EI24: variants seen among roughly 807,000 people sequenced by gnomAD.
EI24 encodes etoposide-induced protein 2.4 homolog.
In EI24, 21 loss-of-function variants were observed where a neutral mutation model predicts 48.6. The observed-to-expected ratio is 0.43, with a 90% CI of 0.31 to 0.62. The LOEUF (loss-of-function observed/expected upper bound fraction) is 0.62. Ranked by LOEUF, EI24 falls within the 20% of genes least tolerant of loss-of-function variation. The pLI is 0.10. For missense variants in EI24, 280 were observed against 410.5 expected (o/e 0.68, Z 2.75); for synonymous variants, 114 against 145.5 (o/e 0.78, Z 1.56).
At chr11:125,580,021 T>G in intron 7 of EI24, 72 bp from the exon 8 acceptor site, 2 of 1,202,596 alleles carry the variant, frequency 1.7e-6, no homozygotes, top group Non-Finnish European at 2.5e-6. Flanking sequence ...AGACAGTGAT[T>G]GGAGAGTGAC....
intron 9 of EI24, 40 bp from the exon 10 acceptor site, chr11:125,582,306 T>A: frequency 6.7e-7 from 1 of 1,488,918 alleles, no homozygotes; most frequent in Non-Finnish European, 9.0e-7. Context: ...ATGTCTGTTA[T>A]GAAGGTGACT....
chr11:125,576,245 T>C lies in EI24; in HGVS notation c.189-10T>C. On this transcript the variant is annotated splice_polypyrimidine_tract_variant and intron_variant, in intron 3 of 10. Coordinates refer to ENST00000278903, the MANE Select transcript of EI24 (RefSeq NM_004879.5). ...TGCTTTATAAACTAAATACATGTGATCTTTTCCAGTGAGCCACGTATTGTT... is the reference window on the plus strand; with the variant it reads ...TGCTTTATAAACTAAATACATGTGACCTTTTCCAGTGAGCCACGTATTGTT... 1 of 1,613,004 alleles carries C rather than the reference T, an allele frequency of 6.2e-7. No individual in the cohort carries two copies. The highest frequency in any genetic ancestry group is 8.5e-7 in the Non-Finnish European group (1 of 1,179,222).
At chr11:125,574,924 T>G in intron 2 of EI24, 1 of 160,508 alleles carries the variant, frequency 6.2e-6, no homozygotes, top group Non-Finnish European at 1.4e-5. Flanking sequence ...AATATATAGC[T>G]TATTGAAGAT....
chr11:125,579,019 T>C lies in EI24; in HGVS notation c.512T>C (p.Ile171Thr), dbSNP rs771869037. Residue 171 changes from isoleucine (I) to threonine (T), a missense_variant, in exon 7 of 11, where the codon ATT becomes ACT. Ile to Thr is a moderately conservative substitution (Grantham distance 89). Transcript: ENST00000278903. ...PHPFPSVSKIIADMLFNLLLQ... is the reference protein window; with the variant it reads ...PHPFPSVSKITADMLFNLLLQ... ...CCATTCCCTAGTGTCAGCAAAATAATTGCTGACATGCTCTTCAACCTTTTG... is the reference window on the plus strand; with the variant it reads ...CCATTCCCTAGTGTCAGCAAAATAACTGCTGACATGCTCTTCAACCTTTTG... 2.5e-6 allele frequency: 4 copies of C among 1,584,524 alleles called. No homozygotes were observed. Among genetic ancestry groups the C allele is most frequent in the African/African-American group, 2.7e-5 (2 of 74,588 alleles).
rs1939116876 is a variant in EI24 at position 125,583,889 on chromosome 11, A to G, written c.*206A>G. 22 of 622,578 alleles carry G rather than the reference A, an allele frequency of 3.5e-5. 1 individual carries two copies. The South Asian group carries it at 4.3e-4, about 12-fold the overall frequency. The allele number at this position is 622,578 out of a possible 1,614,324, so 38.6% of individuals were successfully genotyped here. A position where few individuals can be genotyped will look rare whatever the true frequency, so the allele number is the denominator to read the frequency against. ...TGACACCAGTGTGTGGATTTTTAAC[A>G]TCACCGTGAGTCTGAAAGGACCACA... On this transcript the variant is annotated 3_prime_UTR_variant, in exon 11 of 11. Transcript: ENST00000278903.
chr11:125,578,612 C>T (rs1371377668), intron 6 of EI24, among the ~76,000 whole-genome samples: 1 of 150,352 alleles, frequency 6.7e-6, no homozygotes, highest in Non-Finnish European at 1.5e-5. Flanking sequence ...ACTACAGGCA[C>T]GTGCCACCAT....
intron 1 of EI24, chr11:125,570,193 A>C (rs948105195): frequency 2.0e-5 from 3 of 152,210 alleles, no homozygotes; most frequent in Non-Finnish European, 4.4e-5. Context: ...CGACCGAGGT[A>C]ACGTTAGAAC....
chr11:125,581,047 C>T (rs796660242), intron 8 of EI24, 164 bp from the exon 9 acceptor site: 10 of 183,130 alleles, frequency 5.5e-5, no homozygotes, highest in African/African-American at 1.7e-4. Flanking sequence ...ACCGCACTCC[C>T]GCCTGGGCAT....
rs1157223457 is a variant in EI24 at position 125,581,228 on chromosome 11, C to T, written c.691C>T (p.Arg231Trp). The T allele has an allele frequency of 2.5e-6, 4 of 1,610,876 alleles. No individual in the cohort carries two copies. Among genetic ancestry groups the T allele is most frequent in the African/African-American group, 2.7e-5 (2 of 74,888 alleles). ...TGTTTTAGGAATTGAAATGCACCAGCGGTTGTCTAACATAGAAAGGAATTG... is the reference window on the plus strand; with the variant it reads ...TGTTTTAGGAATTGAAATGCACCAGTGGTTGTCTAACATAGAAAGGAATTG... Reference protein sequence around the residue: ...WFNKGIEMHQRLSNIERNWPY... With the variant: ...WFNKGIEMHQWLSNIERNWPY... The change falls in exon 9 of 11, where the codon CGG (arginine) becomes TGG (tryptophan). Residue 231 changes from arginine to tryptophan, a missense_variant. Around this residue, in one of 3 missense-constraint regions of EI24, gnomAD observed 204 missense variants for 294.1 expected, o/e 0.69. Transcript: ENST00000278903.
intron 3 of EI24, 30 bp downstream of exon 3, chr11:125,575,438 TC>T: frequency 6.5e-7 from 1 of 1,535,624 alleles, no homozygotes; most frequent in Admixed American, 1.9e-5. Context: ...TATCAAAATG[TC>T]CAAGGGAGGG....
intron 4 of EI24, 86 bp from the exon 5 acceptor site, chr11:125,577,418 C>G (rs1436061380): frequency 7.6e-7 from 1 of 1,319,044 alleles, no homozygotes; most frequent in Non-Finnish European, 1.1e-6. Context: ...AAGTCACTCC[C>G]ATCTATAAAA....
rs1291585663 is a variant in EI24, at chr11:125,583,565, A to G, written c.905A>G (p.Asn302Ser). 6.2e-7 allele frequency: 1 copy of G among 1,610,986 alleles called. No individual in the cohort carries two copies. Among genetic ancestry groups the G allele is most frequent in the South Asian group, 1.1e-5 (1 of 90,762 alleles). The change falls in exon 11 of 11, where the codon AAC becomes AGC. Residue 302 changes from asparagine (N) to serine (S), a missense_variant. Physicochemically the swap from Asn to Ser is conservative, Grantham distance 46 (BLOSUM62 1). Transcript: ENST00000278903. ...TTCTCCTTGGTGGTCTTCTTAAGCA[A>G]CAGACTCTTCCACAAGACAGTCTAC... ...RLFSLVVFLS[N>S]RLFHKTVYLQ...
intron 2 of EI24, among the ~76,000 whole-genome samples, chr11:125,575,042 A>G (rs2135854819): frequency 6.6e-6 from 1 of 152,110 alleles, no homozygotes; most frequent in East Asian, 1.9e-4. Context: ...CCTGATCAAC[A>G]TGGTGAGATC....
At chr11:125,572,827 C>CTTTTTT (rs35464386) in intron 2 of EI24, among the ~76,000 whole-genome samples, 1 of 105,430 alleles carries the variant, frequency 9.5e-6, no homozygotes, top group South Asian at 3.1e-4. Flanking sequence ...GGCTTCAGAG[C>CTTTTTT]TTTTTTTTTT....
In EI24 at chr11:125,580,120, C is replaced by T; in HGVS notation, c.589C>T (p.His197Tyr). Reference sequence around the variant, plus strand: ...AATGTTTGTGAGTCTCTTTCCCATCCATCTTGTCGGTCAGCTGGTTAGTCT... The same window carrying T: ...AATGTTTGTGAGTCTCTTTCCCATCTATCTTGTCGGTCAGCTGGTTAGTCT... ...QGMFVSLFPI[H>Y]LVGQLVSLLH... The change falls in exon 8 of 11, where the codon CAT (histidine) becomes TAT (tyrosine). Residue 197 changes from histidine (H) to tyrosine (Y), a missense_variant. By Grantham distance (83) the His-to-Tyr change is moderately conservative (BLOSUM62 2). Transcript: ENST00000278903. The T allele has an allele frequency of 1.2e-6, 2 of 1,613,680 alleles. No individual in the cohort carries two copies. The highest frequency in any genetic ancestry group is 1.7e-6 in the Non-Finnish European group (2 of 1,179,622).
At position 125,583,568 on chromosome 11, in the gene EI24, G is replaced by A. The variant is rs1334237838; in HGVS notation, c.908G>A (p.Arg303Lys). 1 of 1,611,236 alleles carries A rather than the reference G, an allele frequency of 6.2e-7. No homozygotes were observed. Among genetic ancestry groups the A allele is most frequent in the South Asian group, 1.1e-5 (1 of 90,782 alleles). ...LFSLVVFLSN[R>K]LFHKTVYLQS... ...TCCTTGGTGGTCTTCTTAAGCAACA[G>A]ACTCTTCCACAAGACAGTCTACCTG... The change falls in exon 11 of 11, where the codon AGA (arginine) becomes AAA (lysine). Residue 303 changes from arginine (R) to lysine (K), a missense_variant. Around this residue, in one of 3 missense-constraint regions of EI24, gnomAD observed 62 missense variants for 65.1 expected, o/e 0.95. Transcript: ENST00000278903.
In EI24 at chr11:125,572,476, T is replaced by C. The variant is rs1365313446; in HGVS notation, c.-52T>C. 2 of 1,537,924 alleles carry C rather than the reference T, an allele frequency of 1.3e-6. No individual in the cohort carries two copies. The highest frequency in any genetic ancestry group is 1.8e-6 in the Non-Finnish European group (2 of 1,112,218). On this transcript the variant is annotated 5_prime_UTR_variant, in exon 2 of 11. Coordinates refer to ENST00000278903, the MANE Select transcript of EI24 (RefSeq NM_004879.5). Reference sequence around the variant, plus strand: ...TTTCCAGATCCTTCATGATGAGAGATTTGGGGACACTTCTCTCTCCTGTGT... The same window carrying C: ...TTTCCAGATCCTTCATGATGAGAGACTTGGGGACACTTCTCTCTCCTGTGT...
intron 5 of EI24, chr11:125,577,805 A>C: frequency 1.8e-6 from 1 of 564,814 alleles, no homozygotes; most frequent in Non-Finnish European, 3.1e-6. Flanking sequence ...TACCAAGGTT[A>C]AACCATTAGT....
intron 2 of EI24, among the ~76,000 whole-genome samples, chr11:125,573,766 C>T (rs1393098984): frequency 3.4e-5 from 5 of 148,348 alleles, no homozygotes; most frequent in Admixed American, 2.0e-4. Flanking sequence ...ACTGCAACCT[C>T]CACTTCTTGG....
Sources: gnomAD v4.1 joint callset for allele counts (sites outside exome capture counted in the v4.1 genomes callset) on GRCh38, gnomAD v4.1.1 for gene constraint, gnomAD v4.1.1 regional missense constraint, MANE v1.5 for transcripts, NCBI Gene and HGNC (gene_info 2026-07-23, HGNC 2026-07-21) for gene names.